PCDHA5: variants seen among roughly 807,000 people sequenced by gnomAD.
The protein encoded by PCDHA5 is protocadherin alpha-5.
PCDHA5 carries 43 observed loss-of-function variants against 61.6 expected under a neutral mutation model. The ratio of observed to expected loss-of-function variants is 0.70; its 90% CI spans 0.55 to 0.90. The LOEUF is 0.90. PCDHA5 is among the 40% of genes least tolerant of loss of function. The pLI is 0.00. For synonymous variants in PCDHA5, 627 were observed against 543.9 expected (o/e 1.15, Z -2.13); for missense variants, 1,298 against 1,222.7 (o/e 1.06, Z -0.92).
chr5:140,836,580 A>G (rs782817140), intron 1 of PCDHA5: 1 of 1,613,664 alleles, frequency 6.2e-7, no homozygotes, highest in East Asian at 2.2e-5. Flanking sequence ...GGGCGCATGT[A>G]GTTTGGTAAA....
chr5:140,934,833 G>C (rs1584817572), intron 1 of PCDHA5, among the ~76,000 whole-genome samples: 1 of 152,100 alleles, frequency 6.6e-6, no homozygotes, highest in Admixed American at 6.5e-5. Context: ...GGCAAGTTGG[G>C]AACTGTTCAG....
intron 1 of PCDHA5, among the ~76,000 whole-genome samples, chr5:140,976,433 C>T (rs2096716122): frequency 6.6e-6 from 1 of 152,036 alleles, no homozygotes; most frequent in South Asian, 2.1e-4. Context: ...TGCCTGTAAT[C>T]CCAGCTACTA....
rs1465510521 is a variant in PCDHA5 at position 140,843,154 on chromosome 5, G to A, written c.2352+19027G>A. On this transcript the variant is annotated intron_variant, in intron 1 of 3. Coordinates refer to ENST00000529859, the MANE Select transcript of PCDHA5 (RefSeq NM_018908.3). ...ACAACGCGTGGCTTTCGTATGAGCT[G>A]CAGCCAGCTGCAAGCAGCCCTCGCA... The A allele has an allele frequency of 1.8e-5, 28 of 1,596,012 alleles. 2 individuals carry two copies. The highest frequency in any genetic ancestry group is 2.4e-5 in the Non-Finnish European group (28 of 1,165,622).
chr5:140,851,794 T>A, intron 1 of PCDHA5: 1 of 954,488 alleles, frequency 1.0e-6, no homozygotes, highest in Non-Finnish European at 1.3e-6. Flanking sequence ...ATTCACTTGT[T>A]CTGTCAGTAA....
chr5:140,883,672 T>C (rs782302494), intron 1 of PCDHA5: 2 of 1,613,366 alleles, frequency 1.2e-6, no homozygotes, highest in Non-Finnish European at 1.7e-6. Context: ...AGGAAAACAA[T>C]CCGCCGGGCT....
At chr5:140,836,531 G>A in intron 1 of PCDHA5, 2 of 1,613,844 alleles carry the variant, frequency 1.2e-6, no homozygotes, top group South Asian at 2.2e-5. Context: ...TTACCCTGCT[G>A]CTGTACACGG....
intron 3 of PCDHA5, among the ~76,000 whole-genome samples, chr5:140,994,878 A>G (rs1034578696): frequency 2.0e-5 from 3 of 152,170 alleles, no homozygotes; most frequent in Non-Finnish European, 4.4e-5. Context: ...GAATAAAGAG[A>G]TGTTAGGAAA....
intron 1 of PCDHA5, chr5:140,968,070 A>T: frequency 6.2e-7 from 1 of 1,614,152 alleles, no homozygotes; most frequent in Non-Finnish European, 8.5e-7. Context: ...GTGGCTGTCT[A>T]CAACATCACG....
At chr5:140,983,865 GC>G (rs2097073239) in intron 3 of PCDHA5, among the ~76,000 whole-genome samples, 1 of 152,120 alleles carries the variant, frequency 6.6e-6, no homozygotes, top group Admixed American at 6.5e-5. Context: ...GCAGCTAAGG[GC>G]CCATTTTTAC....
At chr5:140,941,198 TCTTC>T (rs202127003) in intron 1 of PCDHA5, among the ~76,000 whole-genome samples, 9,614 of 119,776 alleles carry the variant, frequency 0.08, 511 homozygotes, top group Non-Finnish European at 0.089. Context: ...TTTTTTTCTT[TCTTC>T]CTTTCTTTCT....
chr5:140,851,595 G>A (rs1470017891), intron 1 of PCDHA5: 19 of 919,212 alleles, frequency 2.1e-5, no homozygotes, highest in Non-Finnish European at 2.5e-5. Flanking sequence ...TTGAAATTCA[G>A]TTTACAGAAA....
intron 1 of PCDHA5, chr5:140,868,241 T>C (rs1042254119): frequency 2.0e-5 from 3 of 152,140 alleles, no homozygotes; most frequent in Non-Finnish European, 4.4e-5. Flanking sequence ...TCTAGATCAA[T>C]AGACTTTTCC....
At chr5:140,918,232 A>G (rs2078581718) in intron 1 of PCDHA5, among the ~76,000 whole-genome samples, 1 of 152,166 alleles carries the variant, frequency 6.6e-6, no homozygotes, top group African/African-American at 2.4e-5. Flanking sequence ...ATTTTTGTAC[A>G]TTGATTTTGT....
At chr5:140,882,688 AATC>A in intron 1 of PCDHA5, 1 of 1,614,196 alleles carries the variant, frequency 6.2e-7, no homozygotes, top group South Asian at 1.1e-5. Context: ...AGAAACGAAT[AATC>A]ATTGCAGAAT....
rs1247134130 is a variant in PCDHA5 at position 140,823,976 on chromosome 5, G to A, written c.2201G>A (p.Gly734Asp). 1 of 1,614,034 alleles carries A rather than the reference G, an allele frequency of 6.2e-7. No individual in the cohort carries two copies. The highest frequency in any genetic ancestry group is 8.5e-7 in the Non-Finnish European group (1 of 1,179,984). Residue 734 changes from glycine (G) to aspartate (D), a missense_variant, in exon 1 of 4, where the codon GGC (glycine) becomes GAC (aspartate). Coordinates refer to ENST00000529859, the MANE Select transcript of PCDHA5 (RefSeq NM_018908.3). ...CCCACCGAGGCCGTGTGCACACGGG[G>A]CAAGCCCACTCTGTTGTGCTCCAGC... ...AQPTEAVCTR[G>D]KPTLLCSSAV...
chr5:140,868,262 C>T (rs904607540), intron 1 of PCDHA5: 10 of 151,822 alleles, frequency 6.6e-5, no homozygotes, highest in African/African-American at 2.4e-4. Flanking sequence ...TTTGTGGATT[C>T]TTTTTTAAAA....
chr5:140,827,858 A>G (rs1273847275), intron 1 of PCDHA5: 5 of 508,162 alleles, frequency 9.8e-6, no homozygotes, highest in Non-Finnish European at 1.7e-5. Flanking sequence ...TTAAAAATAT[A>G]TGGTATAGCA....
Position 140,871,393 on chromosome 5 carries a change from C to G in PCDHA5, c.2352+47266C>G, listed in dbSNP as rs782354799. The G allele has an allele frequency of 6.2e-6, 10 of 1,614,130 alleles. No individual in the cohort carries two copies. The East Asian group carries it at 2.2e-4, about 36-fold the overall frequency. ...GAGGGTGTGCTCTGAGGAGGGCCCA[C>G]CTAAGACGGACCTCATGGCCTTCAG... On this transcript the variant is annotated intron_variant, in intron 1 of 3. Transcript: ENST00000529859.
rs1554262437 is a variant in PCDHA5, at chr5:141,009,799, C to T, written c.2673C>T (p.Asn891=). 1 of 1,614,104 alleles carries T rather than the reference C, an allele frequency of 6.2e-7. No individual in the cohort carries two copies. Residue 891 remains asparagine (N), a synonymous_variant, in exon 4 of 4, where the codon AAC becomes AAT. Coordinates refer to ENST00000529859, the MANE Select transcript of PCDHA5 (RefSeq NM_018908.3). ...AIISIRQEPT[N]SQIDKSDFIT... is the part of the protein sequence containing the mutation. ...TCTCCATCCGGCAGGAGCCTACTAACAGCCAAATTGACAAAAGTGACTTCA... is the reference window on the plus strand; with the variant it reads ...TCTCCATCCGGCAGGAGCCTACTAATAGCCAAATTGACAAAAGTGACTTCA...
Sources: gnomAD v4.1 joint callset for allele counts (sites outside exome capture counted in the v4.1 genomes callset) on GRCh38, gnomAD v4.1.1 for gene constraint, MANE v1.5 for transcripts, NCBI Gene and HGNC (gene_info 2026-07-23, HGNC 2026-07-21) for gene names.